The following TSHR variants were observed in gnomAD, a reference collection of about 807,000 sequenced individuals.
TSHR encodes thyrotropin receptor.
TSHR carries 51 observed loss-of-function variants against 64.1 expected under a neutral mutation model. That is an observed-to-expected ratio of 0.80 (90% CI 0.64 to 1.01). The LOEUF (loss-of-function observed/expected upper bound fraction) is 1.01. TSHR is among the 50% of genes least tolerant of loss of function. The pLI is 0.00. For synonymous variants in TSHR, 361 were observed against 361.9 expected (o/e 1.00, Z 0.03); for missense variants, 877 against 942.8 (o/e 0.93, Z 0.91).
chr14:80,961,449 T>C (rs1254136327), intron 1 of TSHR, among the ~76,000 whole-genome samples: 1 of 152,026 alleles, frequency 6.6e-6, no homozygotes, highest in Admixed American at 6.6e-5. Flanking sequence ...CCAGTAGGAG[T>C]TGAGTGTAAG....
chr14:81,053,667 T>C (rs1885565244), intron 1 of TSHR: 1 of 152,204 alleles, frequency 6.6e-6, no homozygotes, highest in African/African-American at 2.4e-5. Flanking sequence ...TTTGTGATAG[T>C]TAAGTATACA....
At chr14:81,031,200 A>G (rs1884329008) in intron 1 of TSHR, among the ~76,000 whole-genome samples, 1 of 152,200 alleles carries the variant, frequency 6.6e-6, no homozygotes, top group African/African-American at 2.4e-5. Flanking sequence ...TGACATACAC[A>G]GCATTATGCT....
intron 1 of TSHR, among the ~76,000 whole-genome samples, chr14:81,039,615 T>A (rs1884823494): frequency 6.6e-6 from 1 of 151,758 alleles, no homozygotes. Flanking sequence ...ATAAACAAAT[T>A]TAGTAAAGTT....
chr14:81,000,144 C>A (rs1419105322), intron 1 of TSHR, among the ~76,000 whole-genome samples: 1 of 151,976 alleles, frequency 6.6e-6, no homozygotes, highest in Non-Finnish European at 1.5e-5. Flanking sequence ...GTTGCCCAGG[C>A]TGGTCTCGAA....
intron 1 of TSHR, among the ~76,000 whole-genome samples, chr14:81,005,234 T>C (rs867417554): frequency 4.7e-4 from 39 of 82,444 alleles, no homozygotes; most frequent in Non-Finnish European, 1.8e-4. Context: ...TGTGTGTGTG[T>C]GTGTGTGCAC....
chr14:81,043,148 T>A (rs1885004281), intron 1 of TSHR, among the ~76,000 whole-genome samples: 1 of 152,188 alleles, frequency 6.6e-6, no homozygotes, highest in African/African-American at 2.4e-5. Flanking sequence ...AGTCAAATTA[T>A]CTTTGTTTGT....
chr14:81,084,333 G>T (rs73334084), intron 3 of TSHR, among the ~76,000 whole-genome samples: 1 of 151,716 alleles, frequency 6.6e-6, no homozygotes, highest in South Asian at 2.1e-4. Context: ...TAAAGTTTGA[G>T]ATTTTTTGCA....
At chr14:81,065,644 A>T (rs1886557079) in intron 2 of TSHR, among the ~76,000 whole-genome samples, 2 of 152,104 alleles carry the variant, frequency 1.3e-5, no homozygotes, top group African/African-American at 4.8e-5. Flanking sequence ...TGTTAATCCC[A>T]TTTACCTTGT....
intron 8 of TSHR, among the ~76,000 whole-genome samples, chr14:81,122,698 T>C (rs981594900): frequency 6.6e-6 from 1 of 152,104 alleles, no homozygotes; most frequent in Non-Finnish European, 1.5e-5. Flanking sequence ...CTTACACTTA[T>C]GGAAGGAAAT....
At chr14:81,068,204 T>TG (rs758177677) in intron 2 of TSHR, 50 bp from the exon 3 acceptor site, 18 of 1,570,218 alleles carry the variant, frequency 1.1e-5, no homozygotes, top group African/African-American at 1.4e-5. Flanking sequence ...TGTTTGAAGT[T>TG]TACAACCTTA....
intron 7 of TSHR, among the ~76,000 whole-genome samples, chr14:81,099,964 A>G (rs1889469702): frequency 2.0e-5 from 3 of 152,166 alleles, no homozygotes; most frequent in Admixed American, 6.5e-5. Context: ...ATAAAATTAG[A>G]CACAGAGTAT....
intron 1 of TSHR, among the ~76,000 whole-genome samples, chr14:81,048,825 C>T (rs1885295026): frequency 1.3e-5 from 2 of 152,084 alleles, no homozygotes; most frequent in Admixed American, 1.3e-4. Context: ...ACCATGATTG[C>T]CCTCACTCTC....
At chr14:81,037,440 CAA>C (rs1884695403) in intron 1 of TSHR, among the ~76,000 whole-genome samples, 1 of 122,146 alleles carries the variant, frequency 8.2e-6, no homozygotes, top group Non-Finnish European at 1.8e-5. Context: ...AACAAACAAA[CAA>C]ACAAAAAACA....
intron 1 of TSHR, among the ~76,000 whole-genome samples, chr14:80,987,392 TTTGC>T (rs1888514431): frequency 6.6e-6 from 1 of 152,232 alleles, no homozygotes; most frequent in Admixed American, 6.5e-5. Context: ...CCCTGAATCC[TTTGC>T]TTGTTTCTAT....
rs1463231420 is a variant in TSHR, at chr14:80,976,068, C to T, written c.170+20218C>T. 3.3e-5 allele frequency among the ~76,000 whole-genome samples: 5 copies of T among 152,164 alleles called. No homozygotes were observed. In the East Asian group the frequency reaches 5.8e-4, roughly 18 times the overall value. Reference sequence around the variant, plus strand: ...CTGGGACTACAGGCACCCGCAACCACGCCCGGCTAATTTTTTGTATTTTTA... The same window carrying T: ...CTGGGACTACAGGCACCCGCAACCATGCCCGGCTAATTTTTTGTATTTTTA... On this transcript the variant is annotated intron_variant, in intron 1 of 9. Transcript: ENST00000298171.
chr14:81,034,644 C>T (rs900138595), intron 1 of TSHR, among the ~76,000 whole-genome samples: 1 of 152,168 alleles, frequency 6.6e-6, no homozygotes, highest in African/African-American at 2.4e-5. Flanking sequence ...ATGTTAAAAA[C>T]ACATGCTTGT....
At position 81,103,151 on chromosome 14, in the gene TSHR, T is replaced by C. The variant is rs1889691419; in HGVS notation, c.615-5224T>C. On this transcript the variant is annotated intron_variant, in intron 7 of 9. Coordinates refer to ENST00000298171, the MANE Select transcript of TSHR (RefSeq NM_000369.5). This position sits in a 1 kb window ranked among gnomAD's most constrained non-coding sequence, Gnocchi z 4.1. The stretch of plus-strand genomic sequence containing the variant: ...AGGAAGACAAGGATTGAGCTATAGG[T>C]GAAGGAAAGAAAGGTCAAGGTTCCA... The C allele has an allele frequency of 1.0e-6, 1 of 985,308 alleles. No homozygotes were observed. Among genetic ancestry groups the C allele is most frequent in the Non-Finnish European group, 1.2e-6 (1 of 829,922 alleles). The allele number at this position is 985,308 out of a possible 1,614,324, so 61.0% of individuals were successfully genotyped here.
rs1279964862 is a variant in TSHR at position 80,955,754 on chromosome 14, C to G, written c.74C>G (p.Ser25Trp). The change falls in exon 1 of 10, where the codon TCG (serine) becomes TGG (tryptophan). Residue 25 changes from serine to tryptophan, a missense_variant. Ser to Trp is a radical substitution (Grantham distance 177, BLOSUM62 -3). Coordinates refer to ENST00000298171, the MANE Select transcript of TSHR (RefSeq NM_000369.5). ...AGGGACCTGGGCGGAATGGGGTGTT[C>G]GTCTCCACCCTGCGAGTGCCATCAG... ...LPRDLGGMGC[S>W]SPPCECHQEE... The G allele has an allele frequency of 2.5e-6, 4 of 1,614,164 alleles. No homozygotes were observed. In the South Asian group the frequency reaches 4.4e-5, roughly 18 times the overall value.
At chr14:81,003,958 G>A (rs1240976030) in intron 1 of TSHR, among the ~76,000 whole-genome samples, 1 of 152,152 alleles carries the variant, frequency 6.6e-6, no homozygotes, top group Non-Finnish European at 1.5e-5. Context: ...CTAAGGGCTT[G>A]TACTAACTAT....
Sources: gnomAD v4.1 joint callset for allele counts (sites outside exome capture counted in the v4.1 genomes callset) on GRCh38, gnomAD v4.1.1 for gene constraint, Gnocchi (gnomAD v3.1) non-coding constraint, MANE v1.5 for transcripts, NCBI Gene and HGNC (gene_info 2026-07-23, HGNC 2026-07-21) for gene names.